PRKCH: variants seen among roughly 807,000 people sequenced by gnomAD.
The protein encoded by PRKCH is protein kinase C eta, also known as protein kinase C eta type.
In PRKCH, 28 loss-of-function variants were observed where a neutral mutation model predicts 82.5. That is an observed-to-expected ratio of 0.34 (90% CI 0.25 to 0.47). The LOEUF is 0.47. PRKCH is among the 20% of genes least tolerant of loss of function. The pLI is 1.00. For missense variants in PRKCH, 705 were observed against 881.8 expected (o/e 0.80, Z 2.54); for synonymous variants, 322 against 327.4 (o/e 0.98, Z 0.18).
chr14:61,217,037 T>C (rs1460101294), intron 1 of PRKCH, among the ~76,000 whole-genome samples: 1 of 152,192 alleles, frequency 6.6e-6, no homozygotes, highest in Non-Finnish European at 1.5e-5. Flanking sequence ...CATCAAGCTC[T>C]ACACTTTAGA....
intron 10 of PRKCH, among the ~76,000 whole-genome samples, chr14:61,486,890 T>C (rs1233592992): frequency 2.0e-5 from 3 of 152,256 alleles, no homozygotes; most frequent in Non-Finnish European, 2.9e-5. Context: ...GGGGCATGAA[T>C]GCCAAAGTAA....
At chr14:61,193,985 T>C (rs1182335615) in intron 1 of PRKCH, among the ~76,000 whole-genome samples, 3 of 152,182 alleles carry the variant, frequency 2.0e-5, no homozygotes, top group Non-Finnish European at 4.4e-5. Context: ...GGCTGTCTAT[T>C]TGGGTTTAGA....
At chr14:61,232,675 C>G (rs183934334) in intron 1 of PRKCH, among the ~76,000 whole-genome samples, 4 of 152,258 alleles carry the variant, frequency 2.6e-5, no homozygotes, top group Admixed American at 1.3e-4. Context: ...TTGATGCTCC[C>G]CCTCCCCAAC....
In PRKCH at chr14:61,322,038, G is replaced by T. The variant is rs2045631346; in HGVS notation, c.-64G>T. ...CCTGTCCCGAGGGCTGGCCTGAGAC[G>T]GGACTCCCGGTTCTCCCGCTGCGAA... On this transcript the variant is annotated 5_prime_UTR_variant, in exon 1 of 14. Coordinates refer to ENST00000332981, the MANE Select transcript of PRKCH (RefSeq NM_006255.5). The T allele has an allele frequency of 1.4e-6, 2 of 1,473,216 alleles. No homozygotes were observed. The highest frequency in any genetic ancestry group is 1.8e-6 in the Non-Finnish European group (2 of 1,106,514). The allele number at this position is 1,473,216 out of a possible 1,614,324, so 91.3% of individuals were successfully genotyped here. A position where few individuals can be genotyped will look rare whatever the true frequency, so the allele number is the denominator to read the frequency against.
chr14:61,535,830 G>A (rs1349530819), intron 12 of PRKCH, among the ~76,000 whole-genome samples: 1 of 152,192 alleles, frequency 6.6e-6, no homozygotes, highest in Non-Finnish European at 1.5e-5. Context: ...GAGTTGTGGG[G>A]AGAAACAGAT....
At chr14:61,322,760 G>C (rs556354255) in intron 1 of PRKCH, 22 of 331,798 alleles carry the variant, frequency 6.6e-5, no homozygotes, top group African/African-American at 4.5e-4. Context: ...CCCAGTCTTT[G>C]GGTAAGGAGC....
chr14:61,207,608 A>T (rs1468338864), intron 1 of PRKCH, among the ~76,000 whole-genome samples: 1 of 152,070 alleles, frequency 6.6e-6, no homozygotes. Context: ...TAACATAATA[A>T]TTATGGATCC....
chr14:61,215,117 G>T (rs76926809), intron 1 of PRKCH, among the ~76,000 whole-genome samples: 1,679 of 152,274 alleles, frequency 0.011, 23 homozygotes, highest in African/African-American at 0.035. Flanking sequence ...TGCCGTGATG[G>T]TTCATTGCAT....
intron 1 of PRKCH, among the ~76,000 whole-genome samples, chr14:61,215,892 C>T (rs1327367588): frequency 6.6e-6 from 1 of 152,130 alleles, no homozygotes; most frequent in Non-Finnish European, 1.5e-5. Flanking sequence ...TATAGAATAC[C>T]CTTGTGCCAG....
chr14:61,379,539 C>G (rs2046470081), intron 1 of PRKCH, among the ~76,000 whole-genome samples: 1 of 152,178 alleles, frequency 6.6e-6, no homozygotes, highest in African/African-American at 2.4e-5. Flanking sequence ...CTTCTTCCTC[C>G]ATTACAATGG....
chr14:61,213,820 T>C (rs190640168), intron 1 of PRKCH, among the ~76,000 whole-genome samples: 4 of 152,294 alleles, frequency 2.6e-5, no homozygotes, highest in East Asian at 3.9e-4. Context: ...ATTGTTGGAA[T>C]TGAAAAACTG....
intron 2 of PRKCH, among the ~76,000 whole-genome samples, chr14:61,411,110 C>A (rs1191438891): frequency 6.6e-6 from 1 of 152,170 alleles, no homozygotes; most frequent in Non-Finnish European, 1.5e-5. Context: ...CAGCGACTTC[C>A]AACAAACCAT....
intron 10 of PRKCH, among the ~76,000 whole-genome samples, chr14:61,488,021 C>T (rs1046231161): frequency 4.6e-5 from 7 of 152,004 alleles, no homozygotes; most frequent in South Asian, 2.1e-4. Flanking sequence ...GGCAAGGTGG[C>T]GGGTGCCTGT....
At chr14:61,426,170 C>T (rs192542452) in intron 2 of PRKCH, among the ~76,000 whole-genome samples, 1 of 152,290 alleles carries the variant, frequency 6.6e-6, no homozygotes, top group East Asian at 1.9e-4. Flanking sequence ...CATTTGACTT[C>T]CAGGTCTGTG....
At chr14:61,435,251 C>T (rs543246021) in intron 2 of PRKCH, among the ~76,000 whole-genome samples, 1 of 152,174 alleles carries the variant, frequency 6.6e-6, no homozygotes, top group Non-Finnish European at 1.5e-5. Context: ...GGGGTTCCTT[C>T]CCGAATAAAC....
intron 1 of PRKCH, among the ~76,000 whole-genome samples, chr14:61,242,604 G>A (rs1365014407): frequency 6.6e-6 from 1 of 151,854 alleles, no homozygotes; most frequent in Non-Finnish European, 1.5e-5. Flanking sequence ...CCCCATGTTG[G>A]CCAGGCTGGT....
chr14:61,547,670 T>C, intron 12 of PRKCH, 73 bp from the exon 13 acceptor site: 1 of 1,541,696 alleles, frequency 6.5e-7, no homozygotes, highest in Non-Finnish European at 8.8e-7. Context: ...CTGCCATGGC[T>C]GATGCCTGCT....
rs183358737 is a variant in PRKCH, at chr14:61,393,081, C to T, written c.427+1793C>T. 5.9e-5 allele frequency among the ~76,000 whole-genome samples: 9 copies of T among 152,244 alleles called. No individual in the cohort carries two copies. In the East Asian group the frequency reaches 1.7e-3, roughly 29 times the overall value. ...TGGGTCTGTTTCTGGATTATCTGTT[C>T]TGTCCTGTTGATCTGTTTGTCCATC... On this transcript the variant is annotated intron_variant, in intron 2 of 13. Coordinates refer to ENST00000332981, the MANE Select transcript of PRKCH (RefSeq NM_006255.5).
chr14:61,392,130 T>C (rs530699165), intron 2 of PRKCH, among the ~76,000 whole-genome samples: 7 of 152,156 alleles, frequency 4.6e-5, no homozygotes, highest in Non-Finnish European at 1.0e-4. Context: ...ATTATATAAA[T>C]GTAGCATCCA....
Sources: gnomAD v4.1 joint callset for allele counts (sites outside exome capture counted in the v4.1 genomes callset) on GRCh38, gnomAD v4.1.1 for gene constraint, MANE v1.5 for transcripts, NCBI Gene and HGNC (gene_info 2026-07-23, HGNC 2026-07-21) for gene names.